The following BMPER variants were observed in gnomAD, a reference collection of about 807,000 sequenced individuals.
BMPER encodes BMP binding endothelial regulator.
A neutral mutation model predicts 87.3 loss-of-function variants in BMPER; 45 were observed. The observed-to-expected ratio is 0.52, with a 90% CI of 0.41 to 0.66. BMPER has a LOEUF of 0.66. Among genes scored for constraint, BMPER ranks in the 30% least tolerant of loss-of-function variants. BMPER has a pLI of 0.00. For synonymous variants in BMPER, 326 were observed against 316.2 expected, an observed-to-expected ratio of 1.03 and a Z score of -0.33; for missense variants, 784 against 867.5, an observed-to-expected ratio of 0.90 and a Z score of 1.21.
intron 11 of BMPER, among the ~76,000 whole-genome samples, chr7:34,077,045 G>A (rs1788883525): frequency 1.3e-5 from 2 of 152,122 alleles, no homozygotes; most frequent in African/African-American, 2.4e-5. Flanking sequence ...TCCTTTTGTG[G>A]CACATGTTGG....
chr7:34,122,963 T>A (rs987921892), intron 13 of BMPER, among the ~76,000 whole-genome samples: 3 of 152,198 alleles, frequency 2.0e-5, no homozygotes, highest in Non-Finnish European at 4.4e-5. Flanking sequence ...AATATAATAT[T>A]TCTTTATAGA....
intron 2 of BMPER, among the ~76,000 whole-genome samples, chr7:33,910,173 T>C (rs1783924277): frequency 6.6e-6 from 1 of 152,232 alleles, no homozygotes; most frequent in Admixed American, 6.5e-5. Context: ...CTTTATTGTT[T>C]AGTCAGAAAG....
chr7:33,973,084 G>A (rs1302288489), intron 5 of BMPER, among the ~76,000 whole-genome samples: 1 of 152,220 alleles, frequency 6.6e-6, no homozygotes, highest in African/African-American at 2.4e-5. Context: ...TTGGTCGACT[G>A]CTCCTTCCTT....
intron 11 of BMPER, among the ~76,000 whole-genome samples, chr7:34,071,936 C>T (rs1446007181): frequency 6.6e-6 from 1 of 152,146 alleles, no homozygotes; most frequent in Non-Finnish European, 1.5e-5. Context: ...TGAGTGTCTA[C>T]ACATTTCTTC....
intron 3 of BMPER, among the ~76,000 whole-genome samples, chr7:33,958,001 T>A (rs570825517): frequency 1.3e-5 from 2 of 152,326 alleles, no homozygotes; most frequent in East Asian, 3.9e-4. Flanking sequence ...TTGAAATTAC[T>A]TTGAGGAGAC....
chr7:34,017,143 G>A (rs955271759), intron 6 of BMPER, among the ~76,000 whole-genome samples: 2 of 151,866 alleles, frequency 1.3e-5, no homozygotes, highest in South Asian at 2.1e-4. Flanking sequence ...GGTCTCTGAC[G>A]AAGACTGATC....
intron 12 of BMPER, among the ~76,000 whole-genome samples, chr7:34,084,674 A>G (rs894384157): frequency 2.0e-5 from 3 of 152,220 alleles, no homozygotes; most frequent in South Asian, 4.1e-4. Context: ...TATGGGTGGT[A>G]TCTTCACACA....
At chr7:33,941,166 A>G (rs936876803) in intron 3 of BMPER, among the ~76,000 whole-genome samples, 11 of 135,306 alleles carry the variant, frequency 8.1e-5, no homozygotes, top group Non-Finnish European at 1.2e-4. Context: ...TTTATATATT[A>G]TATATTTATA....
chr7:33,938,743 A>C (rs1299626112), intron 3 of BMPER, among the ~76,000 whole-genome samples: 1 of 152,180 alleles, frequency 6.6e-6, no homozygotes, highest in East Asian at 1.9e-4. Context: ...TGAGGACAGC[A>C]GGTTGGGCAT....
intron 3 of BMPER, among the ~76,000 whole-genome samples, chr7:33,955,210 A>G (rs977583176): frequency 2.8e-4 from 43 of 152,254 alleles, no homozygotes; most frequent in African/African-American, 9.4e-4. Context: ...GCCTTTATCA[A>G]TTTTGTCCTG....
At chr7:33,946,032 C>G (rs1784886404) in intron 3 of BMPER, among the ~76,000 whole-genome samples, 1 of 152,066 alleles carries the variant, frequency 6.6e-6, no homozygotes, top group Admixed American at 6.6e-5. Flanking sequence ...AAGGAAATAC[C>G]CAAGACTGGG....
intron 13 of BMPER, among the ~76,000 whole-genome samples, chr7:34,130,902 A>G (rs1301436616): frequency 1.3e-5 from 2 of 152,194 alleles, no homozygotes; most frequent in East Asian, 3.9e-4. Context: ...GTCTTAGGGG[A>G]GAGGGTGAGG....
intron 3 of BMPER, among the ~76,000 whole-genome samples, chr7:33,943,653 C>A (rs1467790513): frequency 6.6e-6 from 1 of 152,192 alleles, no homozygotes; most frequent in East Asian, 1.9e-4. Context: ...AGGCTATTTT[C>A]TTTCCCTCTT....
chr7:34,015,746 G>A (rs1787004509), intron 6 of BMPER, among the ~76,000 whole-genome samples: 2 of 151,878 alleles, frequency 1.3e-5, no homozygotes, highest in South Asian at 2.1e-4. Context: ...CTCAAAACTG[G>A]AACAATGTTA....
chr7:34,018,175 A>T (rs2127944941), intron 6 of BMPER, among the ~76,000 whole-genome samples: 1 of 152,008 alleles, frequency 6.6e-6, no homozygotes, highest in East Asian at 2.0e-4. Flanking sequence ...ACTTGCTAGA[A>T]GAAAATAGAG....
intron 8 of BMPER, among the ~76,000 whole-genome samples, chr7:34,052,383 C>A (rs1162144720): frequency 4.6e-5 from 7 of 152,150 alleles, no homozygotes; most frequent in African/African-American, 1.7e-4. Context: ...ATAAACCTGG[C>A]AGTTTAGGAA....
chr7:34,068,109 C>T lies in BMPER; in HGVS notation c.1078+6062C>T, dbSNP rs115873607. Among the ~76,000 whole-genome samples the T allele has an allele frequency of 4.9e-3, 741 of 152,222 alleles. 5 individuals carry two copies. Among genetic ancestry groups the T allele is most frequent in the African/African-American group, 0.017 (710 of 41,502 alleles). On this transcript the variant is annotated intron_variant, in intron 11 of 14. Coordinates refer to ENST00000649409, the MANE Select transcript of BMPER (RefSeq NM_001365308.1). ...CAGCTAATATTTATTTGGCATCTGC[C>T]GTCTCTAAACACTATCTTGGGCAGT... is the stretch of plus-strand genomic sequence containing the variant.
intron 6 of BMPER, among the ~76,000 whole-genome samples, chr7:34,024,157 A>G (rs996557476): frequency 6.6e-6 from 1 of 150,940 alleles, no homozygotes; most frequent in Admixed American, 6.6e-5. Context: ...CAGGAGTTCA[A>G]TACCAGTCTG....
intron 13 of BMPER, among the ~76,000 whole-genome samples, chr7:34,129,604 G>GAGAGAGAGAGAGAGAGAGAGAC (rs1562761986): frequency 9.4e-6 from 1 of 106,158 alleles, no homozygotes; most frequent in African/African-American, 4.1e-5. Flanking sequence ...GAGAGAGAGA[G>GAGAGAGAGAGAGAGAGAGAGAC]AGAGAAAGAG....
Sources: allele counts gnomAD v4.1 joint callset (sites outside exome capture counted in the v4.1 genomes callset), GRCh38; gene constraint gnomAD v4.1.1; transcripts MANE v1.5; gene names NCBI Gene and HGNC (gene_info 2026-07-23, HGNC 2026-07-21).